TCF7L2: variants seen among roughly 807,000 people sequenced by gnomAD.
The protein encoded by TCF7L2 is transcription factor 7 like 2.
TCF7L2 carries 23 observed loss-of-function variants against 77.9 expected under a neutral mutation model. That is an observed-to-expected ratio of 0.30 (90% CI 0.21 to 0.42). The LOEUF is 0.42. Among genes scored for constraint, TCF7L2 ranks in the 10% least tolerant of loss-of-function variants. TCF7L2 has a pLI of 1.00. For missense variants in TCF7L2, 654 were observed against 793.1 expected (o/e 0.82, Z 2.11); for synonymous variants, 413 against 340.2 (o/e 1.21, Z -2.36).
At chr10:113,141,932 G>C (rs2068456665) in intron 6 of TCF7L2, among the ~76,000 whole-genome samples, 2 of 152,238 alleles carry the variant, frequency 1.3e-5, no homozygotes, top group Admixed American at 6.5e-5. Context: ...CAGGCAGGTT[G>C]CTTCATTTCT....
intron 4 of TCF7L2, among the ~76,000 whole-genome samples, chr10:113,030,157 AAAAGAATCATACACCATG>A: frequency 6.6e-6 from 1 of 152,180 alleles, no homozygotes. Context: ...ATTTCATATA[AAAAGAATCATACACCATG>A]AAACTTTCTT....
intron 3 of TCF7L2, among the ~76,000 whole-genome samples, chr10:112,960,730 C>T (rs1294170205): frequency 6.6e-6 from 1 of 151,630 alleles, no homozygotes; most frequent in African/African-American, 2.4e-5. Context: ...TCTTGTTTTC[C>T]AGGCCGGAGT....
rs2031284386 is a variant in TCF7L2, at chr10:112,951,517, G to A, written c.291G>A (p.Gly97=). 7.0e-7 allele frequency: 1 copy of A among 1,430,294 alleles called. No homozygotes were observed. The highest frequency in any genetic ancestry group is 9.4e-7 in the Non-Finnish European group (1 of 1,069,056). The allele number at this position is 1,430,294 out of a possible 1,614,324, so 88.6% of individuals were successfully genotyped here. The change falls in exon 3 of 14, where the codon GGG becomes GGA. Residue 97 remains glycine, a synonymous_variant. Transcript: ENST00000627217. ...GGCAAGATGGAGGGCTCTTTAAGGG[G>A]CCACCGTATCCCGGCTACCCCTTCA...
chr10:113,122,481 A>G (rs1185765275), intron 5 of TCF7L2, among the ~76,000 whole-genome samples: 1 of 152,236 alleles, frequency 6.6e-6, no homozygotes, highest in African/African-American at 2.4e-5. Flanking sequence ...GAATCTGTGT[A>G]GTACATTCTC....
chr10:113,105,703 C>T lies in TCF7L2; in HGVS notation c.553-35481C>T, dbSNP rs147916021. On this transcript the variant is annotated intron_variant, in intron 5 of 13. Transcript: ENST00000627217. ...CTTTGCTCTGCCTTTCTTCGAATCACGAAGATCCTGTCTGCCAGAAGCATC... is the reference window on the plus strand; with the variant it reads ...CTTTGCTCTGCCTTTCTTCGAATCATGAAGATCCTGTCTGCCAGAAGCATC... 8.4e-4 allele frequency among the ~76,000 whole-genome samples: 128 copies of T among 152,256 alleles called. 1 individual carries two copies. The highest frequency in any genetic ancestry group is 2.9e-3 in the African/African-American group (119 of 41,548).
intron 5 of TCF7L2, among the ~76,000 whole-genome samples, chr10:113,121,991 A>C (rs2136302381): frequency 6.6e-6 from 1 of 152,304 alleles, no homozygotes; most frequent in Admixed American, 6.5e-5. Context: ...TACATAACAC[A>C]CTGTAAATCA....
At chr10:112,994,706 T>TA in intron 4 of TCF7L2, among the ~76,000 whole-genome samples, 1 of 152,104 alleles carries the variant, frequency 6.6e-6, no homozygotes, top group Admixed American at 6.6e-5. Context: ...AAACAATATT[T>TA]AAAAAGTGGT....
chr10:112,979,974 AAGT>A (rs2040176524), intron 4 of TCF7L2, among the ~76,000 whole-genome samples: 1 of 152,190 alleles, frequency 6.6e-6, no homozygotes, highest in Admixed American at 6.5e-5. Flanking sequence ...ATTTAAGAAC[AAGT>A]AAGTACTATT....
At chr10:113,030,990 G>C (rs1293873998) in intron 4 of TCF7L2, among the ~76,000 whole-genome samples, 1 of 152,154 alleles carries the variant, frequency 6.6e-6, no homozygotes, top group African/African-American at 2.4e-5. Flanking sequence ...CCATTGCAGG[G>C]TCTTTGCCCT....
intron 5 of TCF7L2, among the ~76,000 whole-genome samples, chr10:113,130,208 G>A (rs1262444618): frequency 6.6e-6 from 1 of 152,098 alleles, no homozygotes; most frequent in Non-Finnish European, 1.5e-5. Context: ...GTTAAAAAAA[G>A]ATGGGGAGGA....
At chr10:113,031,377 C>T (rs915746743) in intron 4 of TCF7L2, among the ~76,000 whole-genome samples, 3 of 151,898 alleles carry the variant, frequency 2.0e-5, no homozygotes, top group Non-Finnish European at 4.4e-5. Flanking sequence ...GAAAAAAGTA[C>T]GTACAGATCC....
intron 5 of TCF7L2, among the ~76,000 whole-genome samples, chr10:113,041,468 C>A (rs1170796498): frequency 6.6e-6 from 1 of 152,204 alleles, no homozygotes; most frequent in Admixed American, 6.5e-5. Context: ...CCCAATGTCA[C>A]ACGCTGAGTC....
chr10:113,019,041 C>T (rs1024830016), intron 4 of TCF7L2, among the ~76,000 whole-genome samples: 3 of 152,128 alleles, frequency 2.0e-5, no homozygotes, highest in Non-Finnish European at 4.4e-5. Flanking sequence ...CAATGGGACC[C>T]AGTGTAAGAA....
intron 4 of TCF7L2, among the ~76,000 whole-genome samples, chr10:112,972,044 C>CCGCT (rs2038386125): frequency 6.6e-6 from 1 of 152,078 alleles, no homozygotes; most frequent in South Asian, 2.1e-4. Flanking sequence ...CTTTAGCCTC[C>CCGCT]CGCTGGCCGT....
intron 5 of TCF7L2, among the ~76,000 whole-genome samples, chr10:113,130,664 G>T (rs2066436487): frequency 6.6e-6 from 1 of 152,136 alleles, no homozygotes; most frequent in Admixed American, 6.5e-5. Flanking sequence ...TGCTGTTAAT[G>T]ATTAGGGAGA....
intron 12 of TCF7L2, 124 bp downstream of exon 13, chr10:113,158,841 A>G: frequency 1.0e-6 from 1 of 978,874 alleles, no homozygotes; most frequent in Non-Finnish European, 1.5e-6. Context: ...ATGACCATCA[A>G]CACGGTTTCG....
intron 5 of TCF7L2, among the ~76,000 whole-genome samples, chr10:113,083,126 A>G (rs564170670): frequency 1.3e-5 from 2 of 152,186 alleles, no homozygotes; most frequent in Admixed American, 6.5e-5. Context: ...TGGTGATTAC[A>G]TTCCAACTCG....
At chr10:113,045,610 C>T (rs141751715) in intron 5 of TCF7L2, among the ~76,000 whole-genome samples, 10 of 152,152 alleles carry the variant, frequency 6.6e-5, no homozygotes, top group African/African-American at 2.4e-4. Context: ...TTCTGGGTGT[C>T]GTGCTGTGAC....
intron 5 of TCF7L2, among the ~76,000 whole-genome samples, chr10:113,098,049 CAAAAAAAAAA>C (rs34632183): frequency 1.7e-5 from 1 of 59,368 alleles, no homozygotes; most frequent in Non-Finnish European, 3.1e-5. Context: ...GACTCTGTCT[CAAAAAAAAAA>C]AAAAAAAAAA....
Sources: allele counts gnomAD v4.1 joint callset (sites outside exome capture counted in the v4.1 genomes callset), GRCh38; gene constraint gnomAD v4.1.1; transcripts MANE v1.5; gene names NCBI Gene and HGNC (gene_info 2026-07-23, HGNC 2026-07-21).